Variants in CFAP206 observed in about 807,000 individuals in gnomAD.
CFAP206 encodes the protein cilia and flagella associated protein 206, also known as cilia- and flagella-associated protein 206.
CFAP206 carries 53 observed loss-of-function variants against 65.4 expected under a neutral mutation model. The ratio of observed to expected loss-of-function variants is 0.81; its 90% CI spans 0.65 to 1.02. CFAP206 has a LOEUF of 1.02. Among genes scored for constraint, CFAP206 ranks in the 50% least tolerant of loss-of-function variants. CFAP206 has a pLI of 0.00. For synonymous variants in CFAP206, 250 were observed against 254.4 expected, an observed-to-expected ratio of 0.98 and a Z score of 0.17; for missense variants, 663 against 753.2, an observed-to-expected ratio of 0.88 and a Z score of 1.40.
chr6:87,453,717 C>T (rs1582151286), intron 11 of CFAP206, among the ~76,000 whole-genome samples: 1 of 151,416 alleles, frequency 6.6e-6, no homozygotes, highest in African/African-American at 2.4e-5. Flanking sequence ...TTGGTAACCT[C>T]GAATTTAAAA....
At chr6:87,420,340 G>A (rs1055767794) in intron 7 of CFAP206, among the ~76,000 whole-genome samples, 2 of 152,226 alleles carry the variant, frequency 1.3e-5, no homozygotes, top group African/African-American at 4.8e-5. Flanking sequence ...TGCAGAAGAT[G>A]TCATTCATTA....
intron 11 of CFAP206, among the ~76,000 whole-genome samples, chr6:87,437,065 G>A (rs545577661): frequency 9.2e-5 from 14 of 152,198 alleles, no homozygotes; most frequent in Admixed American, 2.6e-4. Flanking sequence ...CCACCTCCCA[G>A]GTTCAAGCAA....
rs1442686001 is a variant in CFAP206 at position 87,464,288 on chromosome 6, T to C, written c.*38T>C. 2.6e-5 allele frequency: 39 copies of C among 1,514,510 alleles called. No homozygotes were observed. The highest frequency in any genetic ancestry group is 3.5e-5 in the Non-Finnish European group (38 of 1,100,712). The allele number at this position is 1,514,510 out of a possible 1,614,324, so 93.8% of individuals were successfully genotyped here. On this transcript the variant is annotated 3_prime_UTR_variant, in exon 13 of 13. Coordinates refer to ENST00000369562, the MANE Select transcript of CFAP206 (RefSeq NM_001031743.3). ...TTTTAAAATAGATGCTACTCAATTA[T>C]GAACAATAGCAAGTACTTAAAGGTA...
chr6:87,409,676 T>C (rs1653458368), intron 1 of CFAP206, among the ~76,000 whole-genome samples, 159 bp from the exon 2 acceptor site: 1 of 152,038 alleles, frequency 6.6e-6, no homozygotes, highest in African/African-American at 2.4e-5. Context: ...TTAAAAATAA[T>C]GAAAAACAGG....
intron 3 of CFAP206, among the ~76,000 whole-genome samples, chr6:87,412,676 T>G (rs1429758126): frequency 7.2e-5 from 11 of 152,130 alleles, no homozygotes. Context: ...TTTTATTTTT[T>G]GAGACAGAGT....
At chr6:87,437,358 G>A (rs778812432) in intron 11 of CFAP206, among the ~76,000 whole-genome samples, 24 of 148,268 alleles carry the variant, frequency 1.6e-4, no homozygotes, top group Admixed American at 2.8e-4. Flanking sequence ...TGTACATTGC[G>A]TATTTATAAC....
intron 11 of CFAP206, chr6:87,441,491 C>T (rs770453774): frequency 6.3e-6 from 1 of 159,166 alleles, no homozygotes; most frequent in Non-Finnish European, 1.4e-5. Flanking sequence ...TAAATACCCA[C>T]AAGGATTTAA....
At chr6:87,421,443 G>A (rs1193861598) in intron 7 of CFAP206, among the ~76,000 whole-genome samples, 4 of 152,102 alleles carry the variant, frequency 2.6e-5, no homozygotes, top group Non-Finnish European at 5.9e-5. Flanking sequence ...CTGAGATCGT[G>A]CCACTGCATT....
At chr6:87,435,212 C>A in intron 11 of CFAP206, 159 bp downstream of exon 11, 1 of 483,226 alleles carries the variant, frequency 2.1e-6, no homozygotes, top group African/African-American at 2.0e-5. Flanking sequence ...AAGATGAAAA[C>A]TAATTGAATC....
intron 10 of CFAP206, among the ~76,000 whole-genome samples, chr6:87,432,699 G>T (rs905722629): frequency 3.9e-5 from 6 of 152,166 alleles, no homozygotes; most frequent in African/African-American, 1.4e-4. Context: ...TCAACCAGGA[G>T]GTCTGTATGG....
intron 11 of CFAP206, among the ~76,000 whole-genome samples, chr6:87,460,396 C>A (rs1408366864): frequency 6.6e-6 from 1 of 152,128 alleles, no homozygotes; most frequent in Non-Finnish European, 1.5e-5. Flanking sequence ...GTGATTTTTA[C>A]CTAATAAAGC....
intron 9 of CFAP206, among the ~76,000 whole-genome samples, chr6:87,430,383 C>T (rs539951713): frequency 6.6e-6 from 1 of 152,162 alleles, no homozygotes; most frequent in South Asian, 2.1e-4. Flanking sequence ...ATTCAGTTTG[C>T]TTATCAAATG....
chr6:87,451,894 C>T (rs921957737), intron 11 of CFAP206, among the ~76,000 whole-genome samples: 3 of 148,700 alleles, frequency 2.0e-5, no homozygotes, highest in African/African-American at 7.4e-5. Flanking sequence ...AAAAAAATTC[C>T]GCTTCCCTGA....
intron 11 of CFAP206, among the ~76,000 whole-genome samples, chr6:87,436,327 C>T (rs973470626): frequency 1.5e-4 from 23 of 152,086 alleles, no homozygotes; most frequent in Admixed American, 5.2e-4. Context: ...CTCAGGTGAT[C>T]CACCCACCTT....
intron 11 of CFAP206, among the ~76,000 whole-genome samples, chr6:87,449,073 A>C (rs1321302080): frequency 2.6e-5 from 4 of 151,976 alleles, no homozygotes; most frequent in African/African-American, 7.3e-5. Flanking sequence ...CTTTTTGAGG[A>C]GCCTTCATAC....
intron 11 of CFAP206, chr6:87,444,707 C>T: frequency 2.8e-6 from 1 of 353,166 alleles, no homozygotes. Flanking sequence ...GCCTTTTTAA[C>T]TATTTTTTCT....
Position 87,413,841 on chromosome 6 carries a change from A to T in CFAP206, c.224A>T (p.Asn75Ile), listed in dbSNP as rs1767779252. 6.4e-7 allele frequency: 1 copy of T among 1,573,338 alleles called. No individual in the cohort carries two copies. Among genetic ancestry groups the T allele is most frequent in the Admixed American group, 2.0e-5 (1 of 50,986 alleles). The change falls in exon 4 of 13, where the codon AAT becomes ATT. Residue 75 changes from asparagine to isoleucine, a missense_variant. Coordinates refer to ENST00000369562, the MANE Select transcript of CFAP206 (RefSeq NM_001031743.3). ...LCMTRLLDTK[N>I]PSLDTIKMQV... ...ATGACTCGGCTATTGGATACTAAAA[A>T]TCCATCCCTGGACACTATTAAGATG...
intron 7 of CFAP206, among the ~76,000 whole-genome samples, chr6:87,421,099 T>TCA (rs1201547453): frequency 6.6e-6 from 1 of 152,234 alleles, no homozygotes; most frequent in African/African-American, 2.4e-5. Context: ...CGTTTTAAAG[T>TCA]CACATTATTT....
intron 11 of CFAP206, chr6:87,444,804 T>C: frequency 5.6e-6 from 3 of 540,454 alleles, no homozygotes; most frequent in Non-Finnish European, 1.1e-5. Context: ...CTTTCAGCAT[T>C]GTGCTAGCAT....
Sources: allele counts gnomAD v4.1 joint callset (sites outside exome capture counted in the v4.1 genomes callset), GRCh38; gene constraint gnomAD v4.1.1; transcripts MANE v1.5; gene names NCBI Gene and HGNC (gene_info 2026-07-23, HGNC 2026-07-21).